Variants in TNFSF15 observed in about 807,000 individuals in gnomAD.
TNFSF15 encodes TNF superfamily member 15, also known as tumor necrosis factor ligand superfamily member 15.
TNFSF15 carries 15 observed loss-of-function variants against 26.4 expected under a neutral mutation model. The observed-to-expected ratio is 0.57, with a 90% CI of 0.38 to 0.87. TNFSF15 has a LOEUF of 0.87. TNFSF15 is among the 40% of genes least tolerant of loss of function. The pLI, the probability that TNFSF15 is intolerant of heterozygous loss-of-function variation, is 0.00. For missense variants in TNFSF15, 290 were observed against 306.1 expected (o/e 0.95, Z 0.39); for synonymous variants, 116 against 115.0 (o/e 1.01, Z -0.06).
At position 114,790,833 on chromosome 9, in the gene TNFSF15, C is replaced by A. The variant is rs568808241; in HGVS notation, c.375G>T (p.Leu125=). 5.0e-5 allele frequency: 81 copies of A among 1,613,964 alleles called. No homozygotes were observed. The South Asian group carries it at 8.3e-4, about 17-fold the overall frequency. Reference sequence around the variant, plus strand: ...AGTTCATTCGGTTCTTGGTGAAGGCCAGGCCTAGTTCATGTTCCCAGTGCA... The same window carrying A: ...AGTTCATTCGGTTCTTGGTGAAGGCAAGGCCTAGTTCATGTTCCCAGTGCA... ...PALHWEHELG[L]AFTKNRMNYT... Residue 125 remains leucine, a synonymous_variant, in exon 4 of 4, where the codon CTG becomes CTT. Transcript: ENST00000374045.
At position 114,786,383 on chromosome 9, in the gene TNFSF15, G is replaced by C. The variant is rs1457753085; in HGVS notation, c.*4069C>G. On this transcript the variant is annotated 3_prime_UTR_variant, in exon 4 of 4. Coordinates refer to ENST00000374045, the MANE Select transcript of TNFSF15 (RefSeq NM_005118.4). ...GGGTAAGGGCTTGGGAAAATACCTT[G>C]CAAGAGAATGTTGGCAATGGCCGTG... is the stretch of plus-strand genomic sequence containing the variant. 6.6e-6 allele frequency: 1 copy of C among 152,224 alleles called. No individual in the cohort carries two copies. Among genetic ancestry groups the C allele is most frequent in the African/African-American group, 2.4e-5 (1 of 41,464 alleles). 9.4% of individuals were successfully genotyped at this position (152,224 alleles called of 1,614,324 possible). A position where few individuals can be genotyped will look rare whatever the true frequency, so the allele number is the denominator to read the frequency against.
chr9:114,794,441 A>T (rs1368589078), intron 1 of TNFSF15, among the ~76,000 whole-genome samples: 1 of 152,236 alleles, frequency 6.6e-6, no homozygotes, highest in Non-Finnish European at 1.5e-5. Flanking sequence ...TAGTACAGCC[A>T]CTATGGAAAA....
At chr9:114,800,662 G>A (rs911959523) in intron 1 of TNFSF15, among the ~76,000 whole-genome samples, 1 of 152,110 alleles carries the variant, frequency 6.6e-6, no homozygotes, top group Non-Finnish European at 1.5e-5. Context: ...ATTAACTGAG[G>A]TGATGCATGT....
Position 114,801,670 on chromosome 9 carries a change from C to T in TNFSF15, c.210+4133G>A, listed in dbSNP as rs375105056. Among the ~76,000 whole-genome samples the T allele has an allele frequency of 2.6e-5, 4 of 152,102 alleles. No homozygotes were observed. In the East Asian group the frequency reaches 7.7e-4, roughly 29 times the overall value. On this transcript the variant is annotated intron_variant, in intron 1 of 3. Coordinates refer to ENST00000374045, the MANE Select transcript of TNFSF15 (RefSeq NM_005118.4). ...TTTTATACATAAAGAAGCCGAGGCC[C>T]GAAAGGGTTAGGTAACATGGTTAAG...
rs912398318 is a variant in TNFSF15, at chr9:114,789,559, C to T, written c.*893G>A. ...GAACTCCCGGCCTTAGATGATCCAC[C>T]CACCTTGGCCTCCCAAAGTGTTGGG... On this transcript the variant is annotated 3_prime_UTR_variant, in exon 4 of 4. Coordinates refer to ENST00000374045, the MANE Select transcript of TNFSF15 (RefSeq NM_005118.4). 2 of 152,376 alleles carry T rather than the reference C, an allele frequency of 1.3e-5. No homozygotes were observed. Among genetic ancestry groups the T allele is most frequent in the Non-Finnish European group, 1.5e-5 (1 of 68,102 alleles). The allele number at this position is 152,376 out of a possible 1,614,324, so 9.4% of individuals were successfully genotyped here.
Position 114,802,683 on chromosome 9 carries a change from T to A in TNFSF15, c.210+3120A>T, listed in dbSNP as rs549105413. ...CAGTAGTTCTAGATGGGTGACTCTG[T>A]GGGTGGCATAAGATTTGCCATCTGA... On this transcript the variant is annotated intron_variant, in intron 1 of 3. Coordinates refer to ENST00000374045, the MANE Select transcript of TNFSF15 (RefSeq NM_005118.4). Among the ~76,000 whole-genome samples, 4 of 152,332 alleles carry A rather than the reference T, an allele frequency of 2.6e-5. No homozygotes were observed. The East Asian group carries it at 7.7e-4, about 29-fold the overall frequency.
At position 114,787,203 on chromosome 9, in the gene TNFSF15, C is replaced by T. The variant is rs1829515854; in HGVS notation, c.*3249G>A. The T allele has an allele frequency of 6.6e-6, 1 of 151,886 alleles. No individual in the cohort carries two copies. Among genetic ancestry groups the T allele is most frequent in the South Asian group, 2.1e-4 (1 of 4,810 alleles). 9.4% of individuals were successfully genotyped at this position (151,886 alleles called of 1,614,324 possible). Reference sequence around the variant, plus strand: ...CAATAAAAAATGGGAACTTTTTTACCTTCTTGATTTATGGAAAACTATCCT... The same window carrying T: ...CAATAAAAAATGGGAACTTTTTTACTTTCTTGATTTATGGAAAACTATCCT... On this transcript the variant is annotated 3_prime_UTR_variant, in exon 4 of 4. Coordinates refer to ENST00000374045, the MANE Select transcript of TNFSF15 (RefSeq NM_005118.4).
At chr9:114,790,961 T>C (rs1463486919) in intron 3 of TNFSF15, 55 bp from the exon 4 acceptor site, 1 of 1,565,430 alleles carries the variant, frequency 6.4e-7, no homozygotes, top group African/African-American at 1.4e-5. Context: ...TAGACTTTGC[T>C]TAAAAAGTGT....
chr9:114,793,542 A>G lies in TNFSF15; in HGVS notation c.237T>C (p.Pro79=). ...CATACTTACAAACTTGCTGATGTGAAGGTGCAAACTCCTGTCCTTTTAGAG... is the reference window on the plus strand; with the variant it reads ...CATACTTACAAACTTGCTGATGTGAGGGTGCAAACTCCTGTCCTTTTAGAG... The part of the protein sequence containing the change: ...FQALKGQEFA[P]SHQQVYAPLR... The change falls in exon 2 of 4, where the codon CCT becomes CCC. Residue 79 remains proline (P), a synonymous_variant. Transcript: ENST00000374045. The G allele has an allele frequency of 6.2e-7, 1 of 1,613,894 alleles. No individual in the cohort carries two copies. The highest frequency in any genetic ancestry group is 8.5e-7 in the Non-Finnish European group (1 of 1,179,798).
In TNFSF15 at chr9:114,787,620, G is replaced by A. The variant is rs1829523857; in HGVS notation, c.*2832C>T. 1 of 153,246 alleles carries A rather than the reference G, an allele frequency of 6.5e-6. No homozygotes were observed. Among genetic ancestry groups the A allele is most frequent in the Admixed American group, 6.5e-5 (1 of 15,280 alleles). 9.5% of individuals were successfully genotyped at this position (153,246 alleles called of 1,614,324 possible). ...GAATACACCCCATTAACCCCTTTTA[G>A]GGGAACATCACATGATCTTAAAAGC... On this transcript the variant is annotated 3_prime_UTR_variant, in exon 4 of 4. Transcript: ENST00000374045.
intron 1 of TNFSF15, among the ~76,000 whole-genome samples, chr9:114,805,478 TGTTA>T (rs1829808917): frequency 6.6e-6 from 1 of 152,206 alleles, no homozygotes; most frequent in African/African-American, 2.4e-5. Context: ...TCAATGACCG[TGTTA>T]GTTATGTAAT....
At chr9:114,795,214 TAAAA>T (rs934657986) in intron 1 of TNFSF15, among the ~76,000 whole-genome samples, 8 of 152,090 alleles carry the variant, frequency 5.3e-5, no homozygotes, top group Admixed American at 4.6e-4. Flanking sequence ...TTTATGATAT[TAAAA>T]AAAGCCTTCT....
At chr9:114,792,327 A>G in intron 3 of TNFSF15, 80 bp downstream of exon 3, 1 of 1,543,396 alleles carries the variant, frequency 6.5e-7, no homozygotes, top group Non-Finnish European at 8.8e-7. Context: ...AAGCCACTAG[A>G]ATGAATTTTG....
intron 3 of TNFSF15, 102 bp from the exon 4 acceptor site, chr9:114,791,008 T>C (rs1487174908): frequency 2.6e-6 from 3 of 1,169,598 alleles, no homozygotes; most frequent in Non-Finnish European, 3.7e-6. Flanking sequence ...AGTGATCGAA[T>C]ATACCTAACA....
chr9:114,790,540 C>G lies in TNFSF15; in HGVS notation c.668G>C (p.Gly223Ala). ...ACTGACGTTCACCATTAGCTTGTCC[C>G]CTTCTTGCAAGGAGAACATGGCTCC... ...YLGAMFSLQE[G>A]DKLMVNVSDI... is the part of the protein sequence containing the mutation. Residue 223 changes from glycine to alanine, a missense_variant, in exon 4 of 4, where the codon GGG (glycine) becomes GCG (alanine). Coordinates refer to ENST00000374045, the MANE Select transcript of TNFSF15 (RefSeq NM_005118.4). 6.2e-7 allele frequency: 1 copy of G among 1,614,044 alleles called. No individual in the cohort carries two copies. The highest frequency in any genetic ancestry group is 8.5e-7 in the Non-Finnish European group (1 of 1,180,014).
rs1016363513 is a variant in TNFSF15, at chr9:114,786,761, A to T, written c.*3691T>A. 8.6e-5 allele frequency: 13 copies of T among 151,866 alleles called. No homozygotes were observed. Among genetic ancestry groups the T allele is most frequent in the African/African-American group, 3.1e-4 (13 of 41,314 alleles). 9.4% of individuals were successfully genotyped at this position (151,866 alleles called of 1,614,324 possible). A position where few individuals can be genotyped will look rare whatever the true frequency, so the allele number is the denominator to read the frequency against. On this transcript the variant is annotated 3_prime_UTR_variant, in exon 4 of 4. Coordinates refer to ENST00000374045, the MANE Select transcript of TNFSF15 (RefSeq NM_005118.4). ...CCCCGTCTCTACTAAAAATGCAAAAAATTAGCCGGGCATGGTGGTGGGAGC... is the reference window on the plus strand; with the variant it reads ...CCCCGTCTCTACTAAAAATGCAAAATATTAGCCGGGCATGGTGGTGGGAGC...
At chr9:114,804,718 G>T (rs767198484) in intron 1 of TNFSF15, among the ~76,000 whole-genome samples, 4 of 152,152 alleles carry the variant, frequency 2.6e-5, no homozygotes, top group Non-Finnish European at 5.9e-5. Context: ...CATTTTATGA[G>T]CAATGGCATC....
intron 1 of TNFSF15, among the ~76,000 whole-genome samples, chr9:114,800,923 G>A (rs538005823): frequency 6.6e-6 from 1 of 152,320 alleles, no homozygotes; most frequent in African/African-American, 2.4e-5. Context: ...TGGAGACCAG[G>A]AGGCCTCAGC....
In TNFSF15 at chr9:114,790,589, T is replaced by G; in HGVS notation, c.619A>C (p.Asn207His). The G allele has an allele frequency of 6.2e-7, 1 of 1,614,124 alleles. No individual in the cohort carries two copies. The highest frequency in any genetic ancestry group is 2.2e-5 in the East Asian group (1 of 44,866). Residue 207 changes from asparagine to histidine, a missense_variant, in exon 4 of 4, where the codon AAC becomes CAC. By Grantham distance (68) the Asn-to-His change is moderately conservative (BLOSUM62 1). Transcript: ENST00000374045. ...CCGAGGTAGATGGGCTGGAACCAGT[T>G]GCTACCTACTTCGCATACAGACTTG... The part of the protein sequence containing the change: ...GTKSVCEVGS[N>H]WFQPIYLGAM...
Sources: gnomAD v4.1 joint callset for allele counts (sites outside exome capture counted in the v4.1 genomes callset) on GRCh38, gnomAD v4.1.1 for gene constraint, MANE v1.5 for transcripts, NCBI Gene and HGNC (gene_info 2026-07-23, HGNC 2026-07-21) for gene names.